The following RORA variants were observed in gnomAD, a reference collection of about 807,000 sequenced individuals.
RORA encodes RAR related orphan receptor A.
A neutral mutation model predicts 69.5 loss-of-function variants in RORA; 7 were observed. The ratio of observed to expected loss-of-function variants is 0.10; its 90% CI spans 0.06 to 0.19. RORA has a LOEUF of 0.19. RORA is among the 10% of genes least tolerant of loss of function. RORA has a pLI of 1.00. For missense variants in RORA, 457 were observed against 663.0 expected, an observed-to-expected ratio of 0.69 and a Z score of 3.41; for synonymous variants, 261 against 240.8, an observed-to-expected ratio of 1.08 and a Z score of -0.78.
intron 1 of RORA, among the ~76,000 whole-genome samples, chr15:61,098,164 C>T (rs1018818748): frequency 1.2e-5 from 1 of 81,592 alleles, no homozygotes. Context: ...TCCCTTCCTT[C>T]CTTTCCCCCT....
At chr15:60,887,935 C>G (rs2073769809) in intron 1 of RORA, among the ~76,000 whole-genome samples, 1 of 152,234 alleles carries the variant, frequency 6.6e-6, no homozygotes, top group Admixed American at 6.5e-5. Context: ...ATCTAAGAAG[C>G]AGCAGGCTAA....
At chr15:60,508,463 A>T (rs1427893452) in intron 5 of RORA, among the ~76,000 whole-genome samples, 1 of 152,236 alleles carries the variant, frequency 6.6e-6, no homozygotes, top group Non-Finnish European at 1.5e-5. Context: ...CACATATAGC[A>T]TTCACTATAT....
Position 60,873,224 on chromosome 15 carries a change from CGTGTGTGTGTGTGT to C in RORA, c.167-194552_167-194539del, listed in dbSNP as rs5813048. ...ATTGTGGTCTTCTATGGGTAAAGGT[CGTGTGTGTGTGTGT>C]GTGTGTGTGTCTGTGTGTGTGTGTC... On this transcript the variant is annotated intron_variant, in intron 1 of 10. Transcript: ENST00000335670. Among the ~76,000 whole-genome samples, 171 of 139,948 alleles carry C rather than the reference CGTGTGTGTGTGTGT, an allele frequency of 1.2e-3. 1 individual carries two copies. The highest frequency in any genetic ancestry group is 4.3e-3 in the African/African-American group (165 of 38,684). 91.8% of individuals were successfully genotyped at this position (139,948 alleles called of 152,430 possible).
intron 2 of RORA, among the ~76,000 whole-genome samples, chr15:60,579,654 A>T (rs2068134156): frequency 6.6e-6 from 1 of 152,162 alleles, no homozygotes; most frequent in Non-Finnish European, 1.5e-5. Flanking sequence ...CCTCCATCTC[A>T]CCTAAGTCCC....
chr15:61,056,832 T>C (rs1464451910), intron 1 of RORA, among the ~76,000 whole-genome samples: 4 of 152,228 alleles, frequency 2.6e-5, no homozygotes, highest in Non-Finnish European at 4.4e-5. Flanking sequence ...CTACTTCTGC[T>C]GAGTACAGAT....
At chr15:60,513,032 C>T (rs1478300060) in intron 4 of RORA, among the ~76,000 whole-genome samples, 1 of 152,166 alleles carries the variant, frequency 6.6e-6, no homozygotes, top group African/African-American at 2.4e-5. Flanking sequence ...TTATAAGAGT[C>T]TAGGGCAGGA....
At chr15:60,780,002 T>G (rs974995900) in intron 1 of RORA, among the ~76,000 whole-genome samples, 2 of 152,068 alleles carry the variant, frequency 1.3e-5, no homozygotes, top group African/African-American at 2.4e-5. Context: ...TCTTTATACA[T>G]CTCATGGAAG....
chr15:61,126,752 G>A (rs2079145763), intron 1 of RORA, among the ~76,000 whole-genome samples: 1 of 152,112 alleles, frequency 6.6e-6, no homozygotes, highest in Admixed American at 6.5e-5. Flanking sequence ...AAGTGTTTAA[G>A]TAACTTACAC....
rs186235063 is a variant in RORA at position 60,745,896 on chromosome 15, C to T, written c.167-67210G>A. ...TGGATGCCGCTGGGTCTTTTAAAGC[C>T]GCTTAATTTCCTGTGTATTTCCAGC... On this transcript the variant is annotated intron_variant, in intron 1 of 10. Coordinates refer to ENST00000335670, the MANE Select transcript of RORA (RefSeq NM_134261.3). 2.7e-3 allele frequency among the ~76,000 whole-genome samples: 406 copies of T among 152,168 alleles called. 6 individuals carry two copies. The highest frequency in any genetic ancestry group is 2.3e-3 in the Non-Finnish European group (158 of 68,012).
At chr15:61,191,711 A>G (rs995604359) in intron 1 of RORA, among the ~76,000 whole-genome samples, 8 of 152,222 alleles carry the variant, frequency 5.3e-5, no homozygotes, top group Non-Finnish European at 7.3e-5. Context: ...CGCAGCACAC[A>G]TAGTAATCCA....
chr15:60,574,259 G>A (rs528793695), intron 2 of RORA, among the ~76,000 whole-genome samples: 1 of 152,292 alleles, frequency 6.6e-6, no homozygotes, highest in Admixed American at 6.5e-5. Context: ...GAGGATGAAA[G>A]GCTAATGTAA....
chr15:60,682,094 AG>A (rs2070651127), intron 1 of RORA: 6 of 152,320 alleles, frequency 3.9e-5, no homozygotes, highest in African/African-American at 1.4e-4. Context: ...TAACTTTTCT[AG>A]TCCTGAATTT....
rs2065086563 is a variant in RORA at position 60,493,443 on chromosome 15, G to A, written c.*4012C>T. The A allele has an allele frequency of 6.6e-6, 1 of 152,186 alleles. No homozygotes were observed. The highest frequency in any genetic ancestry group is 2.4e-5 in the African/African-American group (1 of 41,444). The allele number at this position is 152,186 out of a possible 1,614,324, so 9.4% of individuals were successfully genotyped here. A position where few individuals can be genotyped will look rare whatever the true frequency, so the allele number is the denominator to read the frequency against. On this transcript the variant is annotated 3_prime_UTR_variant, in exon 11 of 11. Transcript: ENST00000335670. ...AACATGTGCAAAAAAGCAACAATGA[G>A]AGAAGCTTACATACTACTTAAACCT...
rs186931157 is a variant in RORA, at chr15:61,060,887, G to A, written c.166+168166C>T. ...CTGATAATGTTTTAAGAAAGTTTAC[G>A]AATTTGCACTGGGCCACGTTCAAAG... On this transcript the variant is annotated intron_variant, in intron 1 of 10. Transcript: ENST00000335670. Among the ~76,000 whole-genome samples the A allele has an allele frequency of 3.9e-5, 6 of 152,226 alleles. No individual in the cohort carries two copies. In the East Asian group the frequency reaches 9.7e-4, roughly 24 times the overall value.
intron 1 of RORA, among the ~76,000 whole-genome samples, chr15:60,742,850 A>G (rs531542319): frequency 1.1e-4 from 16 of 152,198 alleles, no homozygotes; most frequent in African/African-American, 3.9e-4. Context: ...ATTCCATTGT[A>G]TATTGTGTAT....
chr15:60,731,796 A>G (rs2071433729), intron 1 of RORA, among the ~76,000 whole-genome samples: 1 of 152,230 alleles, frequency 6.6e-6, no homozygotes, highest in African/African-American at 2.4e-5. Flanking sequence ...CAGTCATGGG[A>G]GTCATCATCT....
chr15:60,981,408 T>C (rs1306960823), intron 1 of RORA, among the ~76,000 whole-genome samples: 1 of 152,136 alleles, frequency 6.6e-6, no homozygotes, highest in Non-Finnish European at 1.5e-5. Flanking sequence ...TACCCCTTTC[T>C]CTCTCTTCTC....
intron 1 of RORA, among the ~76,000 whole-genome samples, chr15:60,917,866 A>T (rs1249480163): frequency 6.6e-6 from 1 of 152,154 alleles, no homozygotes; most frequent in East Asian, 1.9e-4. Flanking sequence ...TCAATCTGCC[A>T]CCCTCAAGTG....
At chr15:60,540,076 C>T (rs1436136118) in intron 2 of RORA, among the ~76,000 whole-genome samples, 1 of 152,174 alleles carries the variant, frequency 6.6e-6, no homozygotes, top group African/African-American at 2.4e-5. Context: ...TTCCTAATAA[C>T]GTTGTTTCCA....
Sources: gnomAD v4.1 joint callset for allele counts (sites outside exome capture counted in the v4.1 genomes callset) on GRCh38, gnomAD v4.1.1 for gene constraint, MANE v1.5 for transcripts, NCBI Gene and HGNC (gene_info 2026-07-23, HGNC 2026-07-21) for gene names.